Variants in NFIC observed in about 807,000 individuals in gnomAD.
The protein encoded by NFIC is nuclear factor I C.
Under a neutral mutation model 54.4 loss-of-function variants are expected in NFIC, and 12 were observed. The ratio of observed to expected loss-of-function variants is 0.22; its 90% CI spans 0.14 to 0.36. The LOEUF (loss-of-function observed/expected upper bound fraction) is 0.36. NFIC is among the 10% of genes least tolerant of loss of function. The probability of loss-of-function intolerance (pLI) is 1.00; values close to 1 mark genes in which losing one functional copy is unlikely to be tolerated. For missense variants in NFIC, 575 were observed against 718.2 expected (o/e 0.80, Z 2.28); for synonymous variants, 322 against 319.2 (o/e 1.01, Z -0.09).
At chr19:3,446,078 C>T (rs1029733747) in intron 6 of NFIC, among the ~76,000 whole-genome samples, 2 of 152,066 alleles carry the variant, frequency 1.3e-5, no homozygotes, top group Non-Finnish European at 2.9e-5. Context: ...CTGAGAAATC[C>T]TGCGTGAATT....
chr19:3,394,773 C>T (rs994024363), intron 2 of NFIC, among the ~76,000 whole-genome samples: 9 of 152,036 alleles, frequency 5.9e-5, no homozygotes, highest in South Asian at 2.1e-4. Context: ...GATCAGCGGG[C>T]GGCTCTGGGT....
At position 3,434,291 on chromosome 19, in the gene NFIC, G is replaced by A. The variant is rs753717906; in HGVS notation, c.724G>A (p.Gly242Arg). The change falls in exon 5 of 11, where the codon GGA (glycine) becomes AGA (arginine). Residue 242 changes from glycine (G) to arginine (R), a missense_variant. This residue lies in a region of NFIC where 447 missense variants were observed against 526.9 expected (regional missense o/e 0.85). Coordinates refer to ENST00000443272, the MANE Select transcript of NFIC (RefSeq NM_001245002.2). ...ACCCTCTGCAGCACCCGTGGTGACT[G>A]GAACAGGACCCAACTTCTCCCTGGG... ...IQVSRTPVVT[G>R]TGPNFSLGEL... 4.3e-6 allele frequency: 7 copies of A among 1,611,586 alleles called. No homozygotes were observed. Among genetic ancestry groups the A allele is most frequent in the Non-Finnish European group, 5.9e-6 (7 of 1,179,572 alleles).
At chr19:3,361,094 TC>T (rs1457015399) in intron 1 of NFIC, among the ~76,000 whole-genome samples, 15 of 152,010 alleles carry the variant, frequency 9.9e-5, no homozygotes, top group African/African-American at 3.6e-4. Context: ...CCCCTCCACT[TC>T]CCCCAGCCTT....
chr19:3,368,008 CCT>C (rs1178855858), intron 1 of NFIC, among the ~76,000 whole-genome samples: 1 of 152,180 alleles, frequency 6.6e-6, no homozygotes, highest in African/African-American at 2.4e-5. Context: ...CCTGTGATCC[CCT>C]GAGTGACCTT....
At chr19:3,420,556 A>AAAATAAATAAATAAATAAAT (rs374927099) in intron 2 of NFIC, among the ~76,000 whole-genome samples, 2,753 of 142,692 alleles carry the variant, frequency 0.019, 38 homozygotes, top group African/African-American at 0.03. Context: ...CCATCTCAAA[A>AAAATAAATAAATAAATAAAT]AAATAAATAA....
At chr19:3,371,641 T>A (rs868027954) in intron 1 of NFIC, 1 of 152,114 alleles carries the variant, frequency 6.6e-6, no homozygotes, top group South Asian at 2.1e-4. Context: ...ACACCTGGTA[T>A]ACAGTAGGTG....
chr19:3,376,915 A>G (rs1171188131), intron 1 of NFIC, among the ~76,000 whole-genome samples: 2 of 151,822 alleles, frequency 1.3e-5, no homozygotes, highest in African/African-American at 4.8e-5. Context: ...TTTTTAGTAG[A>G]GATGGGGTTT....
intron 3 of NFIC, 77 bp from the exon 4 acceptor site, chr19:3,433,441 G>C: frequency 6.8e-7 from 1 of 1,479,704 alleles, no homozygotes. Flanking sequence ...GCCCCCAGGA[G>C]TCCAGGCAGC....
intron 1 of NFIC, among the ~76,000 whole-genome samples, chr19:3,377,621 AT>A (rs991499319): frequency 6.6e-6 from 1 of 151,568 alleles, no homozygotes; most frequent in Non-Finnish European, 1.5e-5. Flanking sequence ...TTTATTTTTT[AT>A]TTTTTTAGAG....
At chr19:3,434,154 C>A in intron 4 of NFIC, 123 bp from the exon 5 acceptor site, 10 of 1,424,004 alleles carry the variant, frequency 7.0e-6, no homozygotes, top group Non-Finnish European at 9.3e-6. Flanking sequence ...CCCTAGGAAC[C>A]GGGCCAATAT....
At chr19:3,401,288 C>T (rs1232864618) in intron 2 of NFIC, among the ~76,000 whole-genome samples, 1 of 152,052 alleles carries the variant, frequency 6.6e-6, no homozygotes, top group Admixed American at 6.5e-5. Context: ...CAGGTGCTCA[C>T]AGGCACCCTC....
At position 3,428,344 on chromosome 19, in the gene NFIC, G is replaced by A. The variant is rs551735765; in HGVS notation, c.634+3167G>A. Among the ~76,000 whole-genome samples the A allele has an allele frequency of 9.2e-5, 14 of 151,616 alleles. No individual in the cohort carries two copies. In the East Asian group the frequency reaches 2.1e-3, roughly 23 times the overall value. ...CCCCATCTGTACTAGGAGGACACGG[G>A]AGGCTGACGCAGGAGAATTGCTTGA... On this transcript the variant is annotated intron_variant, in intron 3 of 10. Coordinates refer to ENST00000443272, the MANE Select transcript of NFIC (RefSeq NM_001245002.2).
intron 2 of NFIC, among the ~76,000 whole-genome samples, chr19:3,389,273 A>G (rs11670339): frequency 0.14 from 21,872 of 151,988 alleles, 1,761 homozygotes; most frequent in African/African-American, 0.21. Flanking sequence ...GGAGTGAGGG[A>G]CCTGGGTCAG....
chr19:3,428,186 G>A (rs201152114), intron 3 of NFIC, among the ~76,000 whole-genome samples: 3 of 142,738 alleles, frequency 2.1e-5, no homozygotes, highest in East Asian at 4.1e-4. Flanking sequence ...AAAAAAAAAA[G>A]AAAAGAAAAG....
Position 3,452,355 on chromosome 19 carries a change from G to T in NFIC, c.1085-127G>T. ...GTGGTCAGTGCTGCTGGGTTTTTTTGGTGGTTATTGTTACTAAACGCACTG... is the reference window on the plus strand; with the variant it reads ...GTGGTCAGTGCTGCTGGGTTTTTTTTGTGGTTATTGTTACTAAACGCACTG... On this transcript the variant is annotated intron_variant, in intron 7 of 10. Coordinates refer to ENST00000443272, the MANE Select transcript of NFIC (RefSeq NM_001245002.2). This position sits in a 1 kb window ranked among gnomAD's most constrained non-coding sequence, Gnocchi z 5.3. The T allele has an allele frequency of 7.2e-6, 9 of 1,256,384 alleles. No individual in the cohort carries two copies. Among genetic ancestry groups the T allele is most frequent in the Admixed American group, 6.1e-5 (3 of 48,804 alleles). 77.8% of individuals were successfully genotyped at this position (1,256,384 alleles called of 1,614,324 possible). A position where few individuals can be genotyped will look rare whatever the true frequency, so the allele number is the denominator to read the frequency against.
At chr19:3,440,893 G>A (rs1166153830) in intron 6 of NFIC, among the ~76,000 whole-genome samples, 1 of 152,176 alleles carries the variant, frequency 6.6e-6, no homozygotes, top group Non-Finnish European at 1.5e-5. Flanking sequence ...GTGCAGTGGT[G>A]CGATCAGCGC....
rs969575184 is a variant in NFIC at position 3,453,123 on chromosome 19, C to T, written c.1269+457C>T. Among the ~76,000 whole-genome samples, 3 of 152,164 alleles carry T rather than the reference C, an allele frequency of 2.0e-5. No homozygotes were observed. The highest frequency in any genetic ancestry group is 7.2e-5 in the African/African-American group (3 of 41,420). ...GCATGGTGGCGGGCGCCTGTAGTCC[C>T]AGCTACTCAGGAGGCTGAGGTGGGA... On this transcript the variant is annotated intron_variant, in intron 8 of 10. Coordinates refer to ENST00000443272, the MANE Select transcript of NFIC (RefSeq NM_001245002.2). This position sits in a 1 kb window ranked among gnomAD's most constrained non-coding sequence, Gnocchi z 6.7.
At chr19:3,431,581 C>A (rs1199644580) in intron 3 of NFIC, among the ~76,000 whole-genome samples, 1 of 151,716 alleles carries the variant, frequency 6.6e-6, no homozygotes, top group Non-Finnish European at 1.5e-5. Flanking sequence ...GTTGCCCAGT[C>A]CCGTCTCAAA....
intron 3 of NFIC, among the ~76,000 whole-genome samples, chr19:3,427,353 C>T (rs1448165746): frequency 6.6e-6 from 1 of 152,194 alleles, no homozygotes; most frequent in African/African-American, 2.4e-5. Flanking sequence ...ATGTCACCTC[C>T]TCCAGGGCAG....
Sources: allele counts gnomAD v4.1 joint callset (sites outside exome capture counted in the v4.1 genomes callset), GRCh38; gene constraint gnomAD v4.1.1; regional missense constraint gnomAD v4.1.1; non-coding constraint Gnocchi (gnomAD v3.1); transcripts MANE v1.5; gene names NCBI Gene and HGNC (gene_info 2026-07-23, HGNC 2026-07-21).